Variants in NCKAP5 observed in about 807,000 individuals in gnomAD.
The protein encoded by NCKAP5 is nck-associated protein 5.
In NCKAP5, 92 loss-of-function variants were observed where a neutral mutation model predicts 167.0. The observed-to-expected ratio is 0.55, with a 90% confidence interval of 0.47 to 0.66. The LOEUF (loss-of-function observed/expected upper bound fraction) is 0.66, where lower values mean the gene tolerates loss of function less well. Among genes scored for constraint, NCKAP5 ranks in the 30% least tolerant of loss-of-function variants. The pLI is 0.00. For missense variants in NCKAP5, 2,378 were observed against 2,315.0 expected (o/e 1.03, Z -0.56); for synonymous variants, 891 against 877.4 (o/e 1.02, Z -0.27).
chr2:132,928,958 CCAAAACAAAA>C (rs71398578), intron 8 of NCKAP5, among the ~76,000 whole-genome samples: 1,717 of 148,686 alleles, frequency 0.012, 26 homozygotes, highest in African/African-American at 0.035. Context: ...CCCTTCTCTA[CCAAAACAAAA>C]CAAAACAAAA....
rs529094173 is a variant in NCKAP5, at chr2:132,761,352, G to A, written c.5128+12464C>T. ...GAGTTTCCCAGGATATGAGACTTCC[G>A]GTGTTGAAACCAAGAAAGTCCCAGC... On this transcript the variant is annotated intron_variant, in intron 16 of 19. Transcript: ENST00000409261. Among the ~76,000 whole-genome samples, 221 of 152,172 alleles carry A rather than the reference G, an allele frequency of 1.5e-3. 2 individuals are homozygous for A. Among genetic ancestry groups the A allele is most frequent in the Non-Finnish European group, 2.1e-3 (142 of 68,022 alleles).
At chr2:133,366,570 G>A (rs1303550493) in intron 3 of NCKAP5, among the ~76,000 whole-genome samples, 1 of 152,054 alleles carries the variant, frequency 6.6e-6, no homozygotes, top group African/African-American at 2.4e-5. Flanking sequence ...CCAAAGTGCT[G>A]GGATTACAGG....
At chr2:133,407,271 G>A (rs1406587393) in intron 3 of NCKAP5, among the ~76,000 whole-genome samples, 2 of 152,216 alleles carry the variant, frequency 1.3e-5, no homozygotes, top group Non-Finnish European at 2.9e-5. Flanking sequence ...GCTGTCAGGA[G>A]AACTATGTTG....
chr2:133,481,907 T>C (rs1232489855), intron 3 of NCKAP5, among the ~76,000 whole-genome samples: 1 of 152,216 alleles, frequency 6.6e-6, no homozygotes, highest in African/African-American at 2.4e-5. Flanking sequence ...ACTACTCTGC[T>C]ATCAAACATT....
At chr2:133,213,912 T>G in intron 4 of NCKAP5, 133 bp from the exon 5 acceptor site, 1 of 743,456 alleles carries the variant, frequency 1.3e-6, no homozygotes, top group South Asian at 1.7e-5. Flanking sequence ...CCTCTATACT[T>G]TCTATAAATA....
At chr2:133,477,403 T>C (rs16825512) in intron 3 of NCKAP5, among the ~76,000 whole-genome samples, 2,249 of 152,294 alleles carry the variant, frequency 0.015, 44 homozygotes, top group African/African-American at 0.052. Context: ...CTCTATCTGC[T>C]CCAGGAAGAC....
At chr2:133,225,498 C>T (rs1275709805) in intron 4 of NCKAP5, among the ~76,000 whole-genome samples, 2 of 152,152 alleles carry the variant, frequency 1.3e-5, no homozygotes, top group Non-Finnish European at 2.9e-5. Context: ...GAAGGAGGTA[C>T]TGATGGAATC....
chr2:133,308,473 T>C (rs1468970583), intron 3 of NCKAP5, among the ~76,000 whole-genome samples: 1 of 152,026 alleles, frequency 6.6e-6, no homozygotes, highest in Non-Finnish European at 1.5e-5. Context: ...GGAAAGCAAT[T>C]TGGTGATCCA....
intron 6 of NCKAP5, among the ~76,000 whole-genome samples, chr2:133,004,173 G>A (rs2149341394): frequency 6.6e-6 from 1 of 152,288 alleles, no homozygotes; most frequent in Non-Finnish European, 1.5e-5. Flanking sequence ...ATGCCACAAA[G>A]GAGAAATACA....
At chr2:133,304,018 T>A (rs1033511492) in intron 3 of NCKAP5, among the ~76,000 whole-genome samples, 30 of 152,110 alleles carry the variant, frequency 2.0e-4, no homozygotes, top group African/African-American at 7.0e-4. Flanking sequence ...ATAGCAGCCG[T>A]CGATGGAACA....
intron 19 of NCKAP5, among the ~76,000 whole-genome samples, chr2:132,702,359 G>C (rs529201535): frequency 1.3e-5 from 2 of 152,044 alleles, no homozygotes; most frequent in African/African-American, 4.8e-5. Context: ...GCCTCTTCTC[G>C]CTCCTCAGGG....
At chr2:132,775,180 C>T (rs1348450901) in intron 15 of NCKAP5, among the ~76,000 whole-genome samples, 4 of 152,168 alleles carry the variant, frequency 2.6e-5, no homozygotes, top group African/African-American at 9.7e-5. Context: ...GAGTTGAATG[C>T]CAAGAAATTA....
chr2:133,454,339 T>C (rs1038393831), intron 3 of NCKAP5, among the ~76,000 whole-genome samples: 2 of 152,090 alleles, frequency 1.3e-5, no homozygotes, highest in South Asian at 2.1e-4. Context: ...TGATAAATAT[T>C]GTGTTTGTTA....
At chr2:133,214,258 C>A (rs1223741358) in intron 4 of NCKAP5, among the ~76,000 whole-genome samples, 2 of 152,090 alleles carry the variant, frequency 1.3e-5, no homozygotes, top group African/African-American at 4.8e-5. Context: ...TCATGCTGGG[C>A]AATGCACCTG....
the NCKAP5 span, among the ~76,000 whole-genome samples, chr2:133,623,792 G>T: frequency 8.5e-4 from 130 of 152,216 alleles, no homozygotes; most frequent in African/African-American, 3.0e-3. Flanking sequence ...CCACTACTAG[G>T]TATCTACCCA....
At chr2:133,395,939 C>T (rs1380933192) in intron 3 of NCKAP5, among the ~76,000 whole-genome samples, 1 of 152,146 alleles carries the variant, frequency 6.6e-6, no homozygotes, top group Non-Finnish European at 1.5e-5. Flanking sequence ...AGCCACTGCA[C>T]CAGGCCTATT....
intron 6 of NCKAP5, among the ~76,000 whole-genome samples, chr2:133,029,283 T>G (rs1390799676): frequency 6.6e-6 from 1 of 152,168 alleles, no homozygotes; most frequent in Non-Finnish European, 1.5e-5. Flanking sequence ...TATATCACTG[T>G]GGTAAGTAAG....
intron 4 of NCKAP5, among the ~76,000 whole-genome samples, chr2:133,235,312 G>A (rs775595445): frequency 2.0e-5 from 3 of 152,138 alleles, no homozygotes; most frequent in East Asian, 1.9e-4. Flanking sequence ...AAGGGGTGAC[G>A]CTCCACAGCT....
intron 4 of NCKAP5, among the ~76,000 whole-genome samples, chr2:133,255,817 A>C (rs919030196): frequency 6.6e-6 from 1 of 152,218 alleles, no homozygotes; most frequent in African/African-American, 2.4e-5. Flanking sequence ...AGTAAAATCT[A>C]GGATCAGAAT....
Sources: gnomAD v4.1 joint callset for allele counts (sites outside exome capture counted in the v4.1 genomes callset) on GRCh38, gnomAD v4.1.1 for gene constraint, MANE v1.5 for transcripts, NCBI Gene and HGNC (gene_info 2026-07-23, HGNC 2026-07-21) for gene names.